Variants in NEBL observed in about 807,000 individuals in gnomAD.
NEBL encodes nebulette, also known as LIM and SH3 protein 2.
Under a neutral mutation model 140.2 loss-of-function variants are expected in NEBL, and 122 were observed. That is an observed-to-expected ratio of 0.87 (90% CI 0.75 to 1.01). NEBL has a LOEUF of 1.01. Ranked by LOEUF, NEBL falls within the 50% of genes least tolerant of loss-of-function variation. The pLI is 0.00. For synonymous variants in NEBL, 436 were observed against 398.9 expected, an observed-to-expected ratio of 1.09 and a Z score of -1.11; for missense variants, 1,365 against 1,231.3, an observed-to-expected ratio of 1.11 and a Z score of -1.62.
At chr10:21,035,454 A>G (rs1384279009) in intron 2 of NEBL, among the ~76,000 whole-genome samples, 1 of 152,208 alleles carries the variant, frequency 6.6e-6, no homozygotes, top group African/African-American at 2.4e-5. Flanking sequence ...AAGCAACTCA[A>G]TAAGCAAATC....
intron 3 of NEBL, among the ~76,000 whole-genome samples, chr10:20,970,994 T>C (rs1291204262): frequency 1.3e-5 from 2 of 152,226 alleles, no homozygotes. Flanking sequence ...CCAAAAGATT[T>C]GCATAACCTA....
At chr10:21,079,198 G>A (rs1836252664) in intron 2 of NEBL, among the ~76,000 whole-genome samples, 3 of 152,106 alleles carry the variant, frequency 2.0e-5, no homozygotes, top group Admixed American at 2.0e-4. Flanking sequence ...GGCAAATCTG[G>A]GAAAGTGTCC....
chr10:21,032,037 G>T (rs550886207), intron 2 of NEBL, among the ~76,000 whole-genome samples: 1 of 152,100 alleles, frequency 6.6e-6, no homozygotes, highest in Non-Finnish European at 1.5e-5. Context: ...CCTAGGAAAT[G>T]GTATAAGAAG....
chr10:21,033,627 C>G (rs1203926623), intron 2 of NEBL, among the ~76,000 whole-genome samples: 1 of 151,900 alleles, frequency 6.6e-6, no homozygotes, highest in African/African-American at 2.4e-5. Context: ...GTAGTCCCAG[C>G]TACTCGGGAG....
At chr10:21,163,712 G>A (rs958120717) in intron 2 of NEBL, among the ~76,000 whole-genome samples, 3 of 152,146 alleles carry the variant, frequency 2.0e-5, no homozygotes, top group African/African-American at 4.8e-5. Context: ...TTTTTAGACC[G>A]CTGAGCTGAT....
At chr10:20,838,330 T>C (rs1013154276) in intron 13 of NEBL, among the ~76,000 whole-genome samples, 5 of 152,154 alleles carry the variant, frequency 3.3e-5, no homozygotes, top group African/African-American at 1.2e-4. Context: ...AAGACTTCAG[T>C]GGAGGAAGCA....
At chr10:20,806,880 T>G (rs140206774) in intron 26 of NEBL, among the ~76,000 whole-genome samples, 1 of 152,348 alleles carries the variant, frequency 6.6e-6, no homozygotes, top group African/African-American at 2.4e-5. Flanking sequence ...AATTCCAGTA[T>G]GCTGAACTGA....
chr10:21,028,235 C>CA (rs1168946872), intron 2 of NEBL, among the ~76,000 whole-genome samples: 14,975 of 66,310 alleles, frequency 0.23, 2,171 homozygotes, highest in Middle Eastern at 0.27. Flanking sequence ...TCAAACATCT[C>CA]AAAAAAAAAA....
intron 3 of NEBL, among the ~76,000 whole-genome samples, chr10:21,233,364 A>G (rs1842291444): frequency 6.6e-6 from 1 of 152,024 alleles, no homozygotes; most frequent in African/African-American, 2.4e-5. Flanking sequence ...ACTTCTCTTG[A>G]CTTGCTCCAA....
At chr10:21,089,942 G>A (rs1836834492) in intron 2 of NEBL, among the ~76,000 whole-genome samples, 1 of 152,068 alleles carries the variant, frequency 6.6e-6, no homozygotes, top group Non-Finnish European at 1.5e-5. Flanking sequence ...ATCTTCTATA[G>A]TGTGTCACAT....
chr10:21,042,155 AG>A (rs1834299452), intron 2 of NEBL, among the ~76,000 whole-genome samples: 1 of 152,224 alleles, frequency 6.6e-6, no homozygotes, highest in Non-Finnish European at 1.5e-5. Flanking sequence ...CTGAGCACTT[AG>A]TACGGTGCTA....
At chr10:20,792,028 CCA>C (rs1393997035) in intron 26 of NEBL, among the ~76,000 whole-genome samples, 1 of 151,284 alleles carries the variant, frequency 6.6e-6, no homozygotes, top group African/African-American at 2.4e-5. Context: ...TGCAGTGAAG[CCA>C]CAGTTAAGGT....
intron 2 of NEBL, among the ~76,000 whole-genome samples, chr10:21,046,024 CGT>C (rs397816422): frequency 2.0e-5 from 3 of 151,646 alleles, no homozygotes; most frequent in Admixed American, 6.6e-5. Flanking sequence ...CACACACACA[CGT>C]GTGTGCACTG....
intron 2 of NEBL, among the ~76,000 whole-genome samples, chr10:21,134,135 A>G (rs1839238881): frequency 1.3e-5 from 2 of 152,066 alleles, no homozygotes; most frequent in Non-Finnish European, 2.9e-5. Flanking sequence ...CTGAGGCAGG[A>G]GAATCACTTG....
chr10:20,863,933 G>C (rs923414268), intron 7 of NEBL, among the ~76,000 whole-genome samples: 1 of 152,162 alleles, frequency 6.6e-6, no homozygotes, highest in South Asian at 2.1e-4. Flanking sequence ...TTGGAGGAGG[G>C]AGTGCTTGCC....
At chr10:20,902,601 C>G (rs1420583175) in intron 4 of NEBL, among the ~76,000 whole-genome samples, 2 of 152,110 alleles carry the variant, frequency 1.3e-5, no homozygotes, top group Admixed American at 1.3e-4. Flanking sequence ...AAACGATGTA[C>G]TCTGCTTATA....
chr10:21,155,971 A>G (rs7090013), intron 2 of NEBL, among the ~76,000 whole-genome samples: 33,916 of 152,092 alleles, frequency 0.22, 4,333 homozygotes, highest in African/African-American at 0.36. Flanking sequence ...ACCGCTCAAA[A>G]GCAATATTGG....
chr10:21,132,320 C>G (rs745555062), intron 2 of NEBL, among the ~76,000 whole-genome samples: 3 of 152,176 alleles, frequency 2.0e-5, no homozygotes, highest in Non-Finnish European at 4.4e-5. Flanking sequence ...CAGTGCTTCA[C>G]TCCTTTTAAG....
chr10:20,882,368 T>A (rs577279746), intron 4 of NEBL, among the ~76,000 whole-genome samples: 2 of 148,102 alleles, frequency 1.4e-5, no homozygotes, highest in African/African-American at 2.5e-5. Flanking sequence ...AAAGGGAAAG[T>A]AAAAGAAAAA....
Sources: gnomAD v4.1 joint callset for allele counts (sites outside exome capture counted in the v4.1 genomes callset) on GRCh38, gnomAD v4.1.1 for gene constraint, MANE v1.5 for transcripts, NCBI Gene and HGNC (gene_info 2026-07-23, HGNC 2026-07-21) for gene names.